Variants in NRXN1 observed in about 807,000 individuals in gnomAD.
NRXN1 encodes neurexin 1, also known as neurexin-1.
In NRXN1, 39 loss-of-function variants were observed where a neutral mutation model predicts 150.9. That is an observed-to-expected ratio of 0.26 (90% confidence interval 0.20 to 0.34). The LOEUF (loss-of-function observed/expected upper bound fraction) is 0.34. Ranked by LOEUF, NRXN1 falls within the 10% of genes least tolerant of loss-of-function variation. NRXN1 has a pLI of 1.00. For missense variants in NRXN1, 1,815 were observed against 1,949.9 expected (o/e 0.93, Z 1.30); for synonymous variants, 924 against 757.0 (o/e 1.22, Z -3.62).
chr2:50,569,723 G>T (rs1388866945), intron 8 of NRXN1, among the ~76,000 whole-genome samples: 2 of 151,882 alleles, frequency 1.3e-5, no homozygotes, highest in Admixed American at 1.3e-4. Context: ...TACTAATTCT[G>T]CAGCTCACAG....
At chr2:50,704,845 A>G in intron 5 of NRXN1, among the ~76,000 whole-genome samples, 1 of 151,912 alleles carries the variant, frequency 6.6e-6, no homozygotes, top group Non-Finnish European at 1.5e-5. Context: ...AATATATAAT[A>G]TTACAATTTA....
chr2:50,194,033 C>A (rs1002597545), intron 18 of NRXN1, among the ~76,000 whole-genome samples: 1 of 152,160 alleles, frequency 6.6e-6, no homozygotes, highest in African/African-American at 2.4e-5. Flanking sequence ...GTCTTAACTA[C>A]AACCCTATGA....
At chr2:50,721,498 G>T (rs1187605001) in intron 5 of NRXN1, among the ~76,000 whole-genome samples, 8 of 152,154 alleles carry the variant, frequency 5.3e-5, no homozygotes, top group Non-Finnish European at 1.2e-4. Flanking sequence ...GGGAAAACAA[G>T]AAATCAAGGG....
At chr2:51,013,087 G>A (rs1219952066) in intron 2 of NRXN1, among the ~76,000 whole-genome samples, 1 of 152,044 alleles carries the variant, frequency 6.6e-6, no homozygotes, top group Non-Finnish European at 1.5e-5. Flanking sequence ...CACACCTGGT[G>A]GAGGTAGAGT....
At chr2:49,926,224 G>T (rs1330831703) in intron 22 of NRXN1, 4 of 397,076 alleles carry the variant, frequency 1.0e-5, no homozygotes, top group Non-Finnish European at 1.8e-5. Flanking sequence ...TCACTTCTGA[G>T]ATTCATTTAG....
At chr2:50,271,190 A>G (rs1192089771) in intron 17 of NRXN1, among the ~76,000 whole-genome samples, 1 of 152,184 alleles carries the variant, frequency 6.6e-6, no homozygotes, top group Non-Finnish European at 1.5e-5. Context: ...CTTTTAGGCT[A>G]CCTGATTGAA....
chr2:49,996,419 G>C (rs1266210433), intron 21 of NRXN1, among the ~76,000 whole-genome samples: 1 of 152,074 alleles, frequency 6.6e-6, no homozygotes, highest in African/African-American at 2.4e-5. Context: ...AAGGAAGATT[G>C]GGGATTTACA....
Position 50,976,426 on chromosome 2 carries a change from C to T in NRXN1, c.773-50471G>A, listed in dbSNP as rs533617344. Among the ~76,000 whole-genome samples the T allele has an allele frequency of 2.0e-5, 3 of 151,986 alleles. No individual in the cohort carries two copies. The South Asian group carries it at 6.2e-4, about 32-fold the overall frequency. On this transcript the variant is annotated intron_variant, in intron 2 of 22. Transcript: ENST00000401669. ...TCTTCTTTAATTGCTGTGTCATGCA[C>T]AGTTTTTCTTCACTTATGTTTTGAA... is the stretch of plus-strand genomic sequence containing the variant.
At chr2:49,973,674 C>T (rs1573149214) in intron 21 of NRXN1, 1 of 391,058 alleles carries the variant, frequency 2.6e-6, no homozygotes, top group Non-Finnish European at 4.6e-6. Flanking sequence ...CACAAGCATG[C>T]TGATAAACCC....
intron 17 of NRXN1, among the ~76,000 whole-genome samples, chr2:50,288,985 A>G (rs1384865413): frequency 6.6e-6 from 1 of 152,152 alleles, no homozygotes; most frequent in Non-Finnish European, 1.5e-5. Flanking sequence ...CTATAAGAGA[A>G]GCTCGTAAGA....
intron 17 of NRXN1, among the ~76,000 whole-genome samples, chr2:50,341,005 C>A (rs1416388936): frequency 6.6e-6 from 1 of 152,124 alleles, no homozygotes; most frequent in Admixed American, 6.6e-5. Flanking sequence ...AAAAGGACTG[C>A]TTTTGGTCAT....
chr2:50,553,037 G>C lies in NRXN1; in HGVS notation c.1321-12C>G, dbSNP rs200221353. On this transcript the variant is annotated splice_polypyrimidine_tract_variant and intron_variant, in intron 8 of 22. Transcript: ENST00000401669. ...TTTTTATATACAACCTGTGGGCAGAGGATAGCAGTGAGAAACTAGCCTCCA... is the reference window on the plus strand; with the variant it reads ...TTTTTATATACAACCTGTGGGCAGACGATAGCAGTGAGAAACTAGCCTCCA... 9.6e-6 allele frequency: 15 copies of C among 1,568,222 alleles called. No homozygotes were observed. The Admixed American group carries it at 2.7e-4, about 28-fold the overall frequency.
chr2:50,929,067 G>A (rs17512708), intron 2 of NRXN1, among the ~76,000 whole-genome samples: 1 of 151,876 alleles, frequency 6.6e-6, no homozygotes, highest in Non-Finnish European at 1.5e-5. Flanking sequence ...TAATGGCTGT[G>A]TGCTGACAAG....
At chr2:50,751,159 T>A (rs1261971147) in intron 5 of NRXN1, among the ~76,000 whole-genome samples, 1 of 152,026 alleles carries the variant, frequency 6.6e-6, no homozygotes, top group African/African-American at 2.4e-5. Flanking sequence ...AGAGATGGCA[T>A]ATAGGCTTTG....
At chr2:50,392,295 C>T (rs1018641407) in intron 17 of NRXN1, among the ~76,000 whole-genome samples, 21 of 152,206 alleles carry the variant, frequency 1.4e-4, no homozygotes, top group African/African-American at 3.9e-4. Flanking sequence ...ATTCCCATAG[C>T]GACCTCCTTT....
intron 5 of NRXN1, among the ~76,000 whole-genome samples, chr2:50,859,838 TTGTGTGTGTGTGTG>T (rs58904379): frequency 6.8e-6 from 1 of 147,572 alleles, no homozygotes; most frequent in Admixed American, 6.8e-5. Context: ...ACAATTATGT[TTGTGTGTGTGTGTG>T]TGTGTGTGTG....
chr2:50,346,983 GA>G lies in NRXN1; in HGVS notation c.3365-110014del, dbSNP rs1064794179. 7.3e-7 allele frequency: 1 copy of G among 1,361,506 alleles called. No individual in the cohort carries two copies. Among genetic ancestry groups the G allele is most frequent in the East Asian group, 3.9e-5 (1 of 25,858 alleles). 84.3% of individuals were successfully genotyped at this position (1,361,506 alleles called of 1,614,324 possible). A position where few individuals can be genotyped will look rare whatever the true frequency, so the allele number is the denominator to read the frequency against. On this transcript the variant is annotated intron_variant, in intron 17 of 22. Coordinates refer to ENST00000401669, the MANE Select transcript of NRXN1 (RefSeq NM_001330078.2). The surrounding 1 kb of genome is among the most constrained non-coding windows in gnomAD (Gnocchi z 5.0). Reference sequence around the variant, plus strand: ...GCCCGCCGAGGGGCAGCCGCCGCGGGAGGCAAAGTTTGGGGCGCGGGGAGAG... The same window carrying G: ...GCCCGCCGAGGGGCAGCCGCCGCGGGGGCAAAGTTTGGGGCGCGGGGAGAG...
At chr2:50,692,116 CCTT>C (rs138522931) in intron 5 of NRXN1, among the ~76,000 whole-genome samples, 11,991 of 152,098 alleles carry the variant, frequency 0.079, 600 homozygotes, top group Non-Finnish European at 0.11. Flanking sequence ...AATTTCCCCT[CCTT>C]CTTTTATTTT....
At chr2:50,174,573 C>G (rs189574236) in intron 18 of NRXN1, 112 of 152,276 alleles carry the variant, frequency 7.4e-4, no homozygotes, top group Middle Eastern at 3.4e-3. Flanking sequence ...ACATTAACGT[C>G]ATAGCACAGC....
Sources: gnomAD v4.1 joint callset for allele counts (sites outside exome capture counted in the v4.1 genomes callset) on GRCh38, gnomAD v4.1.1 for gene constraint, Gnocchi (gnomAD v3.1) non-coding constraint, MANE v1.5 for transcripts, NCBI Gene and HGNC (gene_info 2026-07-23, HGNC 2026-07-21) for gene names.